SYCP2L: variants seen among roughly 807,000 people sequenced by gnomAD.
The protein encoded by SYCP2L is synaptonemal complex protein 2-like.
A neutral mutation model predicts 125.8 loss-of-function variants in SYCP2L; 98 were observed. The observed-to-expected ratio is 0.78, with a 90% CI of 0.66 to 0.92. SYCP2L has a LOEUF of 0.92. Among genes scored for constraint, SYCP2L ranks in the 40% least tolerant of loss-of-function variants. SYCP2L has a pLI of 0.00. For missense variants in SYCP2L, 842 were observed against 936.4 expected (o/e 0.90, Z 1.32); for synonymous variants, 317 against 325.4 (o/e 0.97, Z 0.28).
chr6:10,958,009 T>C (rs1029694850), intron 25 of SYCP2L, among the ~76,000 whole-genome samples: 2 of 152,186 alleles, frequency 1.3e-5, no homozygotes, highest in African/African-American at 2.4e-5. Context: ...AAATGACTTA[T>C]TTATTAGTAC....
chr6:10,935,902 T>G (rs1781085569), intron 21 of SYCP2L, among the ~76,000 whole-genome samples: 1 of 152,202 alleles, frequency 6.6e-6, no homozygotes, highest in Admixed American at 6.5e-5. Flanking sequence ...CATAAAACTT[T>G]ATTTATAAAA....
chr6:10,933,075 T>A (rs561963191), intron 20 of SYCP2L, among the ~76,000 whole-genome samples: 25 of 152,246 alleles, frequency 1.6e-4, no homozygotes, highest in African/African-American at 6.0e-4. Flanking sequence ...AATCGATAAA[T>A]TTAAGCTGTG....
At chr6:10,889,559 C>T (rs1780138937) in intron 1 of SYCP2L, among the ~76,000 whole-genome samples, 1 of 151,532 alleles carries the variant, frequency 6.6e-6, no homozygotes. Flanking sequence ...TAACCTCTGC[C>T]TATCTCACTT....
intron 12 of SYCP2L, 42 bp downstream of exon 12, chr6:10,910,911 TGAAACCAG>T: frequency 6.2e-7 from 1 of 1,608,662 alleles, no homozygotes; most frequent in Non-Finnish European, 8.5e-7. Flanking sequence ...CGGTGTGCAG[TGAAACCAG>T]GAGTTAGGTT....
intron 29 of SYCP2L, among the ~76,000 whole-genome samples, chr6:10,967,454 G>GGGGTGTGTGTGTGTGTGTGTGT (rs56098075): frequency 6.1e-4 from 85 of 138,918 alleles, no homozygotes; most frequent in Non-Finnish European, 9.2e-4. Flanking sequence ...TGGGGTAGAG[G>GGGGTGTGTGTGTGTGTGTGTGT]GTGTGTGTGT....
chr6:10,915,614 G>A (rs145128291), intron 14 of SYCP2L, among the ~76,000 whole-genome samples: 229 of 152,264 alleles, frequency 1.5e-3, no homozygotes, highest in Non-Finnish European at 2.6e-3. Context: ...TTTTTGTGGT[G>A]TATCACATTT....
chr6:10,916,407 T>G (rs575011110), intron 14 of SYCP2L, among the ~76,000 whole-genome samples: 1 of 152,358 alleles, frequency 6.6e-6, no homozygotes, highest in South Asian at 2.1e-4. Context: ...AGGTGTGACC[T>G]TAGATTGTCT....
intron 26 of SYCP2L, among the ~76,000 whole-genome samples, chr6:10,960,553 T>C (rs377427956): frequency 2.0e-5 from 3 of 152,236 alleles, no homozygotes; most frequent in South Asian, 4.1e-4. Context: ...ATATGACCAT[T>C]AGACAAAGAA....
intron 14 of SYCP2L, among the ~76,000 whole-genome samples, chr6:10,913,256 G>GGAGAACATGTCATCCTAGTTCCTCTCTT: frequency 6.6e-6 from 1 of 152,204 alleles, no homozygotes; most frequent in African/African-American, 2.4e-5. Context: ...GATGGGGAGA[G>GGAGAACATGTCATCCTAGTTCCTCTCTT]GAGAACATGT....
chr6:10,894,022 GT>G lies in SYCP2L; in HGVS notation c.216+19del. 6.2e-7 allele frequency: 1 copy of G among 1,603,280 alleles called. No homozygotes were observed. The highest frequency in any genetic ancestry group is 2.2e-5 in the East Asian group (1 of 44,756). On this transcript the variant is annotated intron_variant, in intron 3 of 29. Transcript: ENST00000283141. ...TAAATAAGGCAAGTTGGTTTGCTTT[GT>G]GACCAAAATACAAATGTATAATTAT...
intron 14 of SYCP2L, among the ~76,000 whole-genome samples, chr6:10,916,795 G>C (rs1423919863): frequency 6.6e-6 from 1 of 152,170 alleles, no homozygotes; most frequent in Non-Finnish European, 1.5e-5. Flanking sequence ...TTCAAGACCA[G>C]CCTGGTCAAC....
intron 22 of SYCP2L, 46 bp from the exon 23 acceptor site, chr6:10,942,631 T>C (rs1255129341): frequency 6.2e-7 from 1 of 1,606,868 alleles, no homozygotes; most frequent in Admixed American, 1.7e-5. Context: ...ACTTGTTTCT[T>C]GCTTTGCCAT....
intron 23 of SYCP2L, among the ~76,000 whole-genome samples, chr6:10,949,855 T>G (rs1004297211): frequency 6.6e-6 from 1 of 152,052 alleles, no homozygotes; most frequent in Admixed American, 6.6e-5. Context: ...TAGGAGCAAT[T>G]AATCCATTGT....
chr6:10,966,747 A>AG (rs1331079211), intron 29 of SYCP2L, among the ~76,000 whole-genome samples: 7 of 152,232 alleles, frequency 4.6e-5, no homozygotes, highest in Admixed American at 4.6e-4. Context: ...AAACCATAGG[A>AG]GGAGGAGTAA....
chr6:10,908,047 C>T (rs1165743813), intron 10 of SYCP2L, among the ~76,000 whole-genome samples: 3 of 151,906 alleles, frequency 2.0e-5, no homozygotes, highest in African/African-American at 7.3e-5. Flanking sequence ...TGCCACCACA[C>T]CTGGCTAATT....
At chr6:10,973,514 G>C (rs1016696644) in intron 29 of SYCP2L, among the ~76,000 whole-genome samples, 4 of 152,106 alleles carry the variant, frequency 2.6e-5, no homozygotes, top group African/African-American at 9.7e-5. Flanking sequence ...CCTTGCGACA[G>C]AGTGAGACTC....
chr6:10,902,229 C>G (rs1780389245), intron 6 of SYCP2L, among the ~76,000 whole-genome samples: 1 of 152,186 alleles, frequency 6.6e-6, no homozygotes, highest in Non-Finnish European at 1.5e-5. Flanking sequence ...TCTGTTCCCT[C>G]TTTGTAAGAT....
chr6:10,938,765 A>G (rs60933471), intron 21 of SYCP2L, among the ~76,000 whole-genome samples: 32,732 of 152,094 alleles, frequency 0.22, 3,834 homozygotes, highest in African/African-American at 0.29. Flanking sequence ...GGGTTTCAAC[A>G]AAACAAAACA....
rs774784256 is a variant in SYCP2L at position 10,931,498 on chromosome 6, A to G, written c.1683+9A>G. 11 of 1,613,830 alleles carry G rather than the reference A, an allele frequency of 6.8e-6. No homozygotes were observed. The highest frequency in any genetic ancestry group is 9.3e-6 in the Non-Finnish European group (11 of 1,179,720). ...GCCATGAGAAAGACCAAGTAAGTAC[A>G]TTGTATCTGGGTTGCTGTGTGCCCT... On this transcript the variant is annotated intron_variant, in intron 20 of 29. Transcript: ENST00000283141.
Sources: gnomAD v4.1 joint callset for allele counts (sites outside exome capture counted in the v4.1 genomes callset) on GRCh38, gnomAD v4.1.1 for gene constraint, MANE v1.5 for transcripts, NCBI Gene and HGNC (gene_info 2026-07-23, HGNC 2026-07-21) for gene names.